The following SEZ6L variants were observed in gnomAD, a reference collection of about 807,000 sequenced individuals.
The protein encoded by SEZ6L is seizure related 6 homolog like.
A neutral mutation model predicts 106.2 loss-of-function variants in SEZ6L; 37 were observed. The observed-to-expected ratio is 0.35, with a 90% CI of 0.27 to 0.46. The LOEUF (loss-of-function observed/expected upper bound fraction) is 0.46, where lower values mean the gene tolerates loss of function less well. Among genes scored for constraint, SEZ6L ranks in the 20% least tolerant of loss-of-function variants. SEZ6L has a pLI of 1.00. For missense variants in SEZ6L, 1,172 were observed against 1,332.8 expected (o/e 0.88, Z 1.88); for synonymous variants, 541 against 570.4 (o/e 0.95, Z 0.73).
chr22:26,379,555 G>C (rs1247898626), intron 16 of SEZ6L, among the ~76,000 whole-genome samples: 5 of 152,226 alleles, frequency 3.3e-5, no homozygotes, highest in Non-Finnish European at 7.3e-5. Flanking sequence ...AACTTCCAGG[G>C]CTGAGCCTTC....
At chr22:26,293,736 G>A (rs374220979) in intron 2 of SEZ6L, among the ~76,000 whole-genome samples, 4 of 152,176 alleles carry the variant, frequency 2.6e-5, no homozygotes, top group African/African-American at 9.7e-5. Context: ...TCTTGGAACG[G>A]AATTCTTCAT....
At chr22:26,374,055 T>C (rs1373019840) in intron 14 of SEZ6L, among the ~76,000 whole-genome samples, 2 of 152,142 alleles carry the variant, frequency 1.3e-5, no homozygotes, top group African/African-American at 4.8e-5. Flanking sequence ...TTGTTTTCAT[T>C]TTGTGGTTCC....
chr22:26,226,907 C>T (rs2078651012), intron 1 of SEZ6L, among the ~76,000 whole-genome samples: 2 of 152,156 alleles, frequency 1.3e-5, no homozygotes, highest in South Asian at 2.1e-4. Context: ...AAGAATGAAA[C>T]CACACAATAA....
intron 1 of SEZ6L, among the ~76,000 whole-genome samples, chr22:26,268,482 A>G (rs2080258590): frequency 6.6e-6 from 1 of 152,186 alleles, no homozygotes; most frequent in African/African-American, 2.4e-5. Flanking sequence ...TCTCCAGTCC[A>G]GCACACTCCC....
chr22:26,340,955 T>G (rs2082813509), intron 10 of SEZ6L, among the ~76,000 whole-genome samples: 1 of 151,202 alleles, frequency 6.6e-6, no homozygotes, highest in Non-Finnish European at 1.5e-5. Flanking sequence ...GCCTCATAAC[T>G]TATGTTTCAT....
In SEZ6L at chr22:26,313,901, TTG is replaced by T; in HGVS notation, c.2015+2_2015+3del. ...GAAACGGATCTTCTTAGATATCCAG[TTG>T]TGAGTGTTTAAAATGGGTGGCCCTC... On this transcript the variant is annotated splice_donor_variant and coding_sequence_variant, in exon 9 of 17. Transcript: ENST00000248933. LOFTEE classifies it high-confidence loss of function. The T allele has an allele frequency of 6.3e-7, 1 of 1,591,160 alleles. No individual in the cohort carries two copies. Among genetic ancestry groups the T allele is most frequent in the Non-Finnish European group, 8.6e-7 (1 of 1,160,660 alleles).
intron 10 of SEZ6L, among the ~76,000 whole-genome samples, chr22:26,342,618 C>G (rs1425219310): frequency 1.3e-5 from 2 of 152,026 alleles, no homozygotes; most frequent in Admixed American, 6.5e-5. Flanking sequence ...ATTGCTTGAG[C>G]CCAGGAAGCA....
At position 26,377,722 on chromosome 22, in the gene SEZ6L, T is replaced by C. The variant is rs1217875209; in HGVS notation, c.2992T>C (p.Tyr998His). ...CCTGCCTCTGATGTACTCCCACCCC[T>C]ACAGCCAGATCACCGTGGAAACCGA... ...LRLPLMYSHP[Y>H]SQITVETEFD... Residue 998 changes from tyrosine (Y) to histidine (H), a missense_variant, in exon 16 of 17, where the codon TAC becomes CAC. Tyr to His is a moderately conservative substitution (Grantham distance 83). Transcript: ENST00000248933. 1 of 1,613,864 alleles carries C rather than the reference T, an allele frequency of 6.2e-7. No individual in the cohort carries two copies. The highest frequency in any genetic ancestry group is 2.2e-5 in the East Asian group (1 of 44,882).
At chr22:26,218,618 A>G (rs2078365381) in intron 1 of SEZ6L, among the ~76,000 whole-genome samples, 1 of 152,234 alleles carries the variant, frequency 6.6e-6, no homozygotes, top group South Asian at 2.1e-4. Flanking sequence ...CCTGGTCAAC[A>G]TGGTGAAACT....
At chr22:26,172,055 T>A (rs1428159243) in intron 1 of SEZ6L, among the ~76,000 whole-genome samples, 1 of 152,162 alleles carries the variant, frequency 6.6e-6, no homozygotes, top group East Asian at 1.9e-4. Flanking sequence ...AAGGCATGAA[T>A]AAGTATAAAG....
chr22:26,195,749 G>C (rs956380124), intron 1 of SEZ6L, among the ~76,000 whole-genome samples: 1 of 152,052 alleles, frequency 6.6e-6, no homozygotes, highest in Non-Finnish European at 1.5e-5. Flanking sequence ...ATGTGTGTGT[G>C]TGTATATGTA....
intron 1 of SEZ6L, among the ~76,000 whole-genome samples, chr22:26,280,379 C>T (rs2080723216): frequency 6.6e-6 from 1 of 152,192 alleles, no homozygotes. Context: ...TCCCCTGTAA[C>T]CAACATAGTT....
intron 16 of SEZ6L, among the ~76,000 whole-genome samples, chr22:26,378,957 C>A (rs552268766): frequency 6.6e-6 from 1 of 152,266 alleles, no homozygotes; most frequent in East Asian, 1.9e-4. Context: ...CATTTATTAT[C>A]TCATAGTTTC....
At position 26,374,211 on chromosome 22, in the gene SEZ6L, G is replaced by A. The variant is rs574058286; in HGVS notation, c.2827+728G>A. On this transcript the variant is annotated intron_variant, in intron 14 of 16. Coordinates refer to ENST00000248933, the MANE Select transcript of SEZ6L (RefSeq NM_021115.5). The stretch of plus-strand genomic sequence containing the variant: ...CATGTATATATATGTAAATACAAAT[G>A]CAGTATATTATAGCATATATATTTA... 6.7e-5 allele frequency among the ~76,000 whole-genome samples: 10 copies of A among 149,842 alleles called. No individual in the cohort carries two copies. The East Asian group carries it at 1.6e-3, about 23-fold the overall frequency.
intron 1 of SEZ6L, among the ~76,000 whole-genome samples, chr22:26,191,593 G>C (rs141314567): frequency 1.3e-5 from 2 of 151,868 alleles, no homozygotes; most frequent in South Asian, 4.2e-4. Flanking sequence ...TGGAGGGTTG[G>C]GGGGTGGGAG....
intron 1 of SEZ6L, among the ~76,000 whole-genome samples, chr22:26,233,256 ACTCT>A (rs1346895017): frequency 1.3e-5 from 2 of 151,704 alleles, no homozygotes; most frequent in African/African-American, 4.8e-5. Context: ...AGGGACATTC[ACTCT>A]CTCTCCTCAT....
At chr22:26,253,839 G>T (rs145159789) in intron 1 of SEZ6L, 1 of 152,186 alleles carries the variant, frequency 6.6e-6, no homozygotes, top group South Asian at 2.1e-4. Context: ...ATCTTAAAAG[G>T]CTCCTGGGAC....
At chr22:26,314,697 C>T (rs577257452) in intron 9 of SEZ6L, among the ~76,000 whole-genome samples, 14 of 152,342 alleles carry the variant, frequency 9.2e-5, no homozygotes, top group African/African-American at 2.4e-4. Context: ...GAATGTTCCC[C>T]GCTAGCTCCC....
intron 1 of SEZ6L, among the ~76,000 whole-genome samples, chr22:26,230,351 A>C (rs1220995376): frequency 6.6e-6 from 1 of 151,784 alleles, no homozygotes; most frequent in Non-Finnish European, 1.5e-5. Context: ...TTTCTCCTCC[A>C]TGCAGCCTGC....
Sources: allele counts gnomAD v4.1 joint callset (sites outside exome capture counted in the v4.1 genomes callset), GRCh38; gene constraint gnomAD v4.1.1; transcripts MANE v1.5; gene names NCBI Gene and HGNC (gene_info 2026-07-23, HGNC 2026-07-21).